Variants in FBLN7 observed in about 807,000 individuals in gnomAD.
FBLN7 encodes the protein fibulin-7.
In FBLN7, 31 loss-of-function variants were observed where a neutral mutation model predicts 44.0. The ratio of observed to expected loss-of-function variants is 0.70; its 90% confidence interval spans 0.53 to 0.95. The LOEUF is 0.95. FBLN7 is among the 40% of genes least tolerant of loss of function. The pLI is 0.00. For missense variants in FBLN7, 573 were observed against 618.5 expected, an observed-to-expected ratio of 0.93 and a Z score of 0.78; for synonymous variants, 262 against 253.4, an observed-to-expected ratio of 1.03 and a Z score of -0.32.
chr2:112,241,816 C>A, the FBLN7 span, among the ~76,000 whole-genome samples: 1 of 152,178 alleles, frequency 6.6e-6, no homozygotes, highest in Non-Finnish European at 1.5e-5. Context: ...TACTCTATAG[C>A]ATTTGTTTTT....
At chr2:112,197,272 CACAGAGAGAG>C in the FBLN7 span, among the ~76,000 whole-genome samples, 187 of 119,906 alleles carry the variant, frequency 1.6e-3, no homozygotes, top group East Asian at 2.7e-3. Flanking sequence ...CACACACACA[CACAGAGAGAG>C]AGAGAGAGAG....
chr2:112,204,074 C>G, the FBLN7 span, among the ~76,000 whole-genome samples: 1 of 151,778 alleles, frequency 6.6e-6, no homozygotes, highest in Admixed American at 6.6e-5. Context: ...AAAACCATGT[C>G]TAAAGGAGGT....
At chr2:112,225,997 G>A in the FBLN7 span, among the ~76,000 whole-genome samples, 4 of 150,820 alleles carry the variant, frequency 2.7e-5, no homozygotes, top group East Asian at 4.0e-4. Context: ...CAGGAGAATC[G>A]CTTGAACCCA....
At chr2:112,180,934 A>G (rs999620609) in intron 4 of FBLN7, among the ~76,000 whole-genome samples, 5 of 146,226 alleles carry the variant, frequency 3.4e-5, no homozygotes, top group Non-Finnish European at 5.9e-5. Context: ...AAAAAAAAAA[A>G]AAAAAAAAAA....
the FBLN7 span, among the ~76,000 whole-genome samples, chr2:112,194,296 C>G: frequency 6.6e-6 from 1 of 152,202 alleles, no homozygotes; most frequent in Non-Finnish European, 1.5e-5. Flanking sequence ...TATGTACAAG[C>G]TAAGAGTCAC....
chr2:112,145,849 G>A (rs1218968401), intron 1 of FBLN7, among the ~76,000 whole-genome samples: 1 of 152,192 alleles, frequency 6.6e-6, no homozygotes, highest in Non-Finnish European at 1.5e-5. Context: ...CATCATACAT[G>A]TATGGAGAAA....
chr2:112,160,685 C>T (rs1364810188), intron 2 of FBLN7, among the ~76,000 whole-genome samples: 1 of 141,068 alleles, frequency 7.1e-6, no homozygotes, highest in Non-Finnish European at 1.5e-5. Context: ...CGCAGACGCA[C>T]GCACACGCAC....
downstream of FBLN7, among the ~76,000 whole-genome samples, chr2:112,192,296 T>C (rs1456388737): frequency 6.6e-6 from 1 of 152,208 alleles, no homozygotes; most frequent in Non-Finnish European, 1.5e-5. Context: ...AACAGCAATG[T>C]ATGAACATTC....
the FBLN7 span, among the ~76,000 whole-genome samples, chr2:112,228,413 A>G: frequency 1.3e-5 from 2 of 152,022 alleles, no homozygotes; most frequent in South Asian, 2.1e-4. Context: ...GAGGCATGAG[A>G]ATCACTTGAA....
intron 3 of FBLN7, among the ~76,000 whole-genome samples, chr2:112,172,770 C>A (rs1175707363): frequency 6.6e-6 from 1 of 151,494 alleles, no homozygotes; most frequent in Non-Finnish European, 1.5e-5. Context: ...GTAGCTGGAA[C>A]TACAGGTGCC....
At chr2:112,239,172 C>A in the FBLN7 span, among the ~76,000 whole-genome samples, 3 of 152,200 alleles carry the variant, frequency 2.0e-5, no homozygotes, top group African/African-American at 4.8e-5. Context: ...GGGTGAAGAA[C>A]CCAGGCATGG....
chr2:112,239,863 C>T, the FBLN7 span, among the ~76,000 whole-genome samples: 1 of 152,004 alleles, frequency 6.6e-6, no homozygotes, highest in Non-Finnish European at 1.5e-5. Flanking sequence ...AGGATTACAG[C>T]CATGAGCCAC....
chr2:112,138,562 A>G lies in FBLN7; in HGVS notation c.-94A>G. On this transcript the variant is annotated 5_prime_UTR_variant, in exon 1 of 8. Coordinates refer to ENST00000331203, the MANE Select transcript of FBLN7 (RefSeq NM_153214.3). ...GCCCCCCGGCCGCGCGGCGCCCCGC[A>G]CCCTGCAGGGACGGCTGCCGCATCG... 7.2e-7 allele frequency: 1 copy of G among 1,390,342 alleles called. No individual in the cohort carries two copies. The highest frequency in any genetic ancestry group is 9.7e-7 in the Non-Finnish European group (1 of 1,030,250). The allele number at this position is 1,390,342 out of a possible 1,614,324, so 86.1% of individuals were successfully genotyped here. A position where few individuals can be genotyped will look rare whatever the true frequency, so the allele number is the denominator to read the frequency against.
At chr2:112,182,651 G>C in intron 5 of FBLN7, 140 bp from the exon 6 acceptor site, 1 of 983,942 alleles carries the variant, frequency 1.0e-6, no homozygotes, top group East Asian at 2.6e-5. Flanking sequence ...CTGGGGGTAG[G>C]GCATGGCGGC....
At chr2:112,148,055 G>C (rs1022480244) in intron 1 of FBLN7, among the ~76,000 whole-genome samples, 3 of 152,092 alleles carry the variant, frequency 2.0e-5, no homozygotes, top group African/African-American at 7.2e-5. Context: ...CCTCGCGCTG[G>C]AGCAGGACTT....
intron 3 of FBLN7, among the ~76,000 whole-genome samples, chr2:112,175,457 A>G (rs543521316): frequency 6.6e-6 from 1 of 152,358 alleles, no homozygotes; most frequent in East Asian, 1.9e-4. Flanking sequence ...CAGCTCCTGC[A>G]TGCAGAGCCC....
At chr2:112,208,802 C>G in the FBLN7 span, among the ~76,000 whole-genome samples, 1 of 152,134 alleles carries the variant, frequency 6.6e-6, no homozygotes, top group African/African-American at 2.4e-5. Context: ...CAAATCATAA[C>G]TTAAAAGTGA....
intron 2 of FBLN7, among the ~76,000 whole-genome samples, chr2:112,162,334 T>TA (rs1681923802): frequency 6.6e-6 from 1 of 150,762 alleles, no homozygotes; most frequent in Non-Finnish European, 1.5e-5. Context: ...TTTTTTTTTT[T>TA]AAGGGAATTT....
intron 4 of FBLN7, among the ~76,000 whole-genome samples, chr2:112,178,235 C>G (rs1209996236): frequency 7.3e-6 from 1 of 137,892 alleles, no homozygotes; most frequent in Non-Finnish European, 1.6e-5. Flanking sequence ...AATGTGAACA[C>G]TTTAGAAAAG....
Sources: gnomAD v4.1 joint callset for allele counts (sites outside exome capture counted in the v4.1 genomes callset) on GRCh38, gnomAD v4.1.1 for gene constraint, MANE v1.5 for transcripts, NCBI Gene and HGNC (gene_info 2026-07-23, HGNC 2026-07-21) for gene names.